Variants in ACBD5 observed in about 807,000 individuals in gnomAD.
The protein encoded by ACBD5 is acyl-CoA binding domain containing 5, also known as acyl-CoA-binding domain-containing protein 5.
In ACBD5, 40 loss-of-function variants were observed where a neutral mutation model predicts 71.8. That is an observed-to-expected ratio of 0.56 (90% confidence interval 0.43 to 0.72). The LOEUF (loss-of-function observed/expected upper bound fraction) is 0.72. Ranked by LOEUF, ACBD5 falls within the 30% of genes least tolerant of loss-of-function variation. The pLI, the probability that ACBD5 is intolerant of heterozygous loss-of-function variation, is 0.00. For synonymous variants in ACBD5, 229 were observed against 218.6 expected, an observed-to-expected ratio of 1.05 and a Z score of -0.42; for missense variants, 559 against 644.5, an observed-to-expected ratio of 0.87 and a Z score of 1.44.
At chr10:27,210,313 G>A (rs1387903135) in intron 9 of ACBD5, among the ~76,000 whole-genome samples, 2 of 152,202 alleles carry the variant, frequency 1.3e-5, no homozygotes, top group African/African-American at 2.4e-5. Flanking sequence ...AAGGGAAACC[G>A]AATTAGAGCT....
chr10:27,233,614 C>T (rs893688652), intron 3 of ACBD5, among the ~76,000 whole-genome samples: 6 of 151,794 alleles, frequency 4.0e-5, no homozygotes, highest in African/African-American at 7.3e-5. Flanking sequence ...GCTACTAGGG[C>T]GGCTGAGGTG....
At chr10:27,213,459 T>C (rs2061316936) in intron 8 of ACBD5, among the ~76,000 whole-genome samples, 1 of 152,002 alleles carries the variant, frequency 6.6e-6, no homozygotes, top group Non-Finnish European at 1.5e-5. Context: ...GGAAGTTTCT[T>C]AAAAAACAAA....
intron 10 of ACBD5, among the ~76,000 whole-genome samples, chr10:27,206,294 A>G (rs374303040): frequency 6.6e-6 from 1 of 151,940 alleles, no homozygotes; most frequent in East Asian, 1.9e-4. Flanking sequence ...GATATTGAAT[A>G]TATGTAAAAT....
rs924986979 is a variant in ACBD5, at chr10:27,197,064, C to T, written c.*366G>A. The T allele has an allele frequency of 6.6e-6, 3 of 456,932 alleles. No homozygotes were observed. The highest frequency in any genetic ancestry group is 1.3e-5 in the Non-Finnish European group (3 of 233,340). 28.3% of individuals were successfully genotyped at this position (456,932 alleles called of 1,614,324 possible). ...AAATAATAACTTATAAATTTGATCTCATTATCACAATGGTACCTTTGAAAA... is the reference window on the plus strand; with the variant it reads ...AAATAATAACTTATAAATTTGATCTTATTATCACAATGGTACCTTTGAAAA... On this transcript the variant is annotated 3_prime_UTR_variant, in exon 13 of 13. Coordinates refer to ENST00000396271, the MANE Select transcript of ACBD5 (RefSeq NM_145698.5).
At position 27,183,575 on chromosome 10, in the gene ACBD5, C is replaced by T. The variant is rs568944917; in HGVS notation, c.1494-860G>A. ...TGGGATTTTAAAATTCCTTTTGTAA[C>T]GAGGTATGGTAATATAGAGAAAAGC... is the stretch of plus-strand genomic sequence containing the variant. On this transcript the variant is annotated intron_variant, in intron 13 of 13. Coordinates refer to the ACBD5 transcript ENST00000676511. Among the ~76,000 whole-genome samples, 8 of 152,058 alleles carry T rather than the reference C, an allele frequency of 5.3e-5. No individual in the cohort carries two copies. The South Asian group carries it at 1.0e-3, about 20-fold the overall frequency.
intron 8 of ACBD5, among the ~76,000 whole-genome samples, chr10:27,214,122 T>C (rs1429054424): frequency 6.6e-6 from 1 of 152,074 alleles, no homozygotes; most frequent in Non-Finnish European, 1.5e-5. Context: ...ATTAAAACAA[T>C]TAAACTCATG....
chr10:27,215,325 AGTT>A (rs1184818991), intron 8 of ACBD5, among the ~76,000 whole-genome samples: 2 of 150,256 alleles, frequency 1.3e-5, no homozygotes, highest in African/African-American at 5.0e-5. Context: ...ATAATGGAGT[AGTT>A]AATATTATTA....
rs967614708 is a variant in ACBD5, at chr10:27,238,596, A to G, written c.181+1723T>C. Among the ~76,000 whole-genome samples the G allele has an allele frequency of 6.6e-5, 10 of 152,112 alleles. No individual in the cohort carries two copies. The South Asian group carries it at 2.1e-3, about 32-fold the overall frequency. ...TCTTTCTTATCTTTCAGTCCCCCAT[A>G]TGCCCTCCTCCAATAGAATGTTTGA... On this transcript the variant is annotated intron_variant, in intron 2 of 12. Transcript: ENST00000396271.
intron 13 of ACBD5, among the ~76,000 whole-genome samples, chr10:27,189,288 A>G (rs973636319): frequency 2.6e-5 from 4 of 152,194 alleles, no homozygotes; most frequent in Non-Finnish European, 5.9e-5. Flanking sequence ...CAGCCTCCCA[A>G]AATGCTGGGA....
At position 27,187,666 on chromosome 10, in the gene ACBD5, C is replaced by T. The variant is rs182608602; in HGVS notation, c.1494-4951G>A. Among the ~76,000 whole-genome samples the T allele has an allele frequency of 3.6e-3, 551 of 151,666 alleles. 4 individuals carry two copies. Among genetic ancestry groups the T allele is most frequent in the South Asian group, 0.023 (110 of 4,796 alleles). The stretch of plus-strand genomic sequence containing the variant: ...ACTTGGGAGGCTGAGGCATGAGAAT[C>T]GCTTGAACCCAGGAGGTGGAGATTG... On this transcript the variant is annotated intron_variant, in intron 13 of 13. Coordinates refer to the ACBD5 transcript ENST00000676511.
chr10:27,205,317 T>A (rs1442334291), intron 10 of ACBD5, 69 bp from the exon 11 acceptor site: 1 of 1,514,938 alleles, frequency 6.6e-7, no homozygotes, highest in Non-Finnish European at 9.1e-7. Flanking sequence ...CTATTTCCTA[T>A]CTTTTTTTAA....
At chr10:27,233,848 C>T (rs1248525248) in intron 3 of ACBD5, among the ~76,000 whole-genome samples, 1 of 152,184 alleles carries the variant, frequency 6.6e-6, no homozygotes, top group Admixed American at 6.5e-5. Context: ...AGTTCAAGAC[C>T]AGCCTGACCA....
chr10:27,196,289 A>G lies in ACBD5; in HGVS notation c.*1141T>C. 8.8e-6 allele frequency: 4 copies of G among 454,132 alleles called. No homozygotes were observed. The highest frequency in any genetic ancestry group is 6.2e-5 in the South Asian group (4 of 64,480). 28.1% of individuals were successfully genotyped at this position (454,132 alleles called of 1,614,324 possible). A position where few individuals can be genotyped will look rare whatever the true frequency, so the allele number is the denominator to read the frequency against. On this transcript the variant is annotated 3_prime_UTR_variant, in exon 13 of 13. Transcript: ENST00000396271. The stretch of plus-strand genomic sequence containing the variant: ...AAGTGAGCAGGAAGTTTTGGAAGGC[A>G]TACAGGAAAAGTCTCCAAGGATCTA...
At chr10:27,208,598 G>C (rs2060726008) in intron 9 of ACBD5, among the ~76,000 whole-genome samples, 153 bp from the exon 10 acceptor site, 1 of 152,218 alleles carries the variant, frequency 6.6e-6, no homozygotes, top group Non-Finnish European at 1.5e-5. Flanking sequence ...AGCACTTTGG[G>C]AGGCTGAGAC....
chr10:27,223,312 T>C (rs760465839), intron 5 of ACBD5, 26 bp downstream of exon 5: 6 of 1,538,268 alleles, frequency 3.9e-6, no homozygotes, highest in African/African-American at 1.4e-5. Flanking sequence ...AGTTGATGAA[T>C]TTAAAAATAG....
chr10:27,200,824 T>C (rs567259786), intron 12 of ACBD5, among the ~76,000 whole-genome samples: 1 of 152,270 alleles, frequency 6.6e-6, no homozygotes, highest in Non-Finnish European at 1.5e-5. Flanking sequence ...GTTTTTCTTG[T>C]GTGAGATCCA....
chr10:27,207,008 T>A (rs1428416066), intron 10 of ACBD5, among the ~76,000 whole-genome samples: 1 of 151,690 alleles, frequency 6.6e-6, no homozygotes, highest in Non-Finnish European at 1.5e-5. Flanking sequence ...CCGGGCACGG[T>A]GGCTCACGCC....
chr10:27,213,661 G>A (rs2061337851), intron 8 of ACBD5, among the ~76,000 whole-genome samples: 1 of 152,026 alleles, frequency 6.6e-6, no homozygotes, highest in African/African-American at 2.4e-5. Flanking sequence ...GGAGGCTGAA[G>A]CAGGAGAATC....
intron 3 of ACBD5, among the ~76,000 whole-genome samples, chr10:27,233,914 C>A (rs2797079): frequency 0.78 from 117,812 of 151,908 alleles, 45,931 homozygotes; most frequent in African/African-American, 0.86. Context: ...CGTGGTGGCG[C>A]ATGCCTGTAA....
Sources: allele counts gnomAD v4.1 joint callset (sites outside exome capture counted in the v4.1 genomes callset), GRCh38; gene constraint gnomAD v4.1.1; transcripts MANE v1.5; gene names NCBI Gene and HGNC (gene_info 2026-07-23, HGNC 2026-07-21).